Variants in ARHGAP15 observed in about 807,000 individuals in gnomAD.
ARHGAP15 encodes Rho GTPase activating protein 15.
Under a neutral mutation model 63.7 loss-of-function variants are expected in ARHGAP15, and 51 were observed. That is an observed-to-expected ratio of 0.80 (90% CI 0.64 to 1.01). The LOEUF (loss-of-function observed/expected upper bound fraction) is 1.01. ARHGAP15 is among the 50% of genes least tolerant of loss of function. The probability of loss-of-function intolerance (pLI) is 0.00; values close to 1 mark genes in which losing one functional copy is unlikely to be tolerated. For synonymous variants in ARHGAP15, 191 were observed against 193.8 expected (o/e 0.99, Z 0.12); for missense variants, 560 against 564.6 (o/e 0.99, Z 0.08).
intron 12 of ARHGAP15, among the ~76,000 whole-genome samples, chr2:143,690,205 G>A (rs1574844982): frequency 6.6e-6 from 1 of 152,174 alleles, no homozygotes; most frequent in African/African-American, 2.4e-5. Context: ...ATGTCTTCGA[G>A]TAAGTTATTC....
chr2:143,749,128 A>C (rs1430670421), intron 13 of ARHGAP15, among the ~76,000 whole-genome samples: 1 of 152,192 alleles, frequency 6.6e-6, no homozygotes, highest in Non-Finnish European at 1.5e-5. Flanking sequence ...GTGCTGTCAA[A>C]GAGAGCTTAC....
chr2:143,672,911 CAGAA>C (rs1024727990), intron 12 of ARHGAP15, among the ~76,000 whole-genome samples: 4 of 152,094 alleles, frequency 2.6e-5, no homozygotes, highest in Non-Finnish European at 5.9e-5. Context: ...AAAAATATGT[CAGAA>C]AGGAAGTATT....
intron 9 of ARHGAP15, among the ~76,000 whole-genome samples, chr2:143,510,304 G>A (rs572280234): frequency 6.6e-6 from 1 of 152,064 alleles, no homozygotes; most frequent in South Asian, 2.1e-4. Context: ...TACCTACTAT[G>A]GAAACTACGA....
intron 6 of ARHGAP15, among the ~76,000 whole-genome samples, chr2:143,268,126 T>C (rs182125917): frequency 5.8e-4 from 88 of 152,004 alleles, no homozygotes; most frequent in Non-Finnish European, 1.2e-3. Flanking sequence ...TGATTGCAAT[T>C]CAACTCTATG....
intron 13 of ARHGAP15, chr2:143,706,382 C>A (rs1163692519): frequency 2.0e-5 from 3 of 152,050 alleles, no homozygotes; most frequent in Non-Finnish European, 4.4e-5. Context: ...AGTGTTTATT[C>A]CAAATTGTTG....
chr2:143,596,514 A>G lies in ARHGAP15; in HGVS notation c.1004-27619A>G, dbSNP rs531466396. 5.3e-5 allele frequency among the ~76,000 whole-genome samples: 8 copies of G among 152,256 alleles called. No homozygotes were observed. The South Asian group carries it at 8.3e-4, about 16-fold the overall frequency. Reference sequence around the variant, plus strand: ...GGGCAAGGAGGTCTTGTGTCACCCTATATGATGATCACTTCAAATTGGTTT... The same window carrying G: ...GGGCAAGGAGGTCTTGTGTCACCCTGTATGATGATCACTTCAAATTGGTTT... On this transcript the variant is annotated intron_variant, in intron 11 of 13. Transcript: ENST00000295095.
chr2:143,536,206 G>T (rs1331755999), intron 10 of ARHGAP15, among the ~76,000 whole-genome samples: 1 of 151,878 alleles, frequency 6.6e-6, no homozygotes, highest in African/African-American at 2.4e-5. Context: ...CCTACCGTCC[G>T]CCTAATCATA....
At chr2:143,767,781 G>C (rs576246505) in intron 13 of ARHGAP15, among the ~76,000 whole-genome samples, 1 of 152,120 alleles carries the variant, frequency 6.6e-6, no homozygotes, top group East Asian at 1.9e-4. Flanking sequence ...AGCTATTATG[G>C]GGGTAAAAAG....
chr2:143,707,140 T>C (rs966221399), intron 13 of ARHGAP15, among the ~76,000 whole-genome samples: 1 of 152,214 alleles, frequency 6.6e-6, no homozygotes, highest in Non-Finnish European at 1.5e-5. Flanking sequence ...AAGAGTCATC[T>C]GACAGCAGAG....
chr2:143,674,513 G>A (rs1329811653), intron 12 of ARHGAP15, among the ~76,000 whole-genome samples: 1 of 152,144 alleles, frequency 6.6e-6, no homozygotes. Context: ...ATTTCAGGGT[G>A]AGAAAAATGT....
rs546511212 is a variant in ARHGAP15 at position 143,458,541 on chromosome 2, A to G, written c.703+21499A>G. Among the ~76,000 whole-genome samples the G allele has an allele frequency of 1.4e-4, 21 of 152,320 alleles. No homozygotes were observed. In the South Asian group the frequency reaches 4.1e-3, roughly 30 times the overall value. On this transcript the variant is annotated intron_variant, in intron 8 of 13. Coordinates refer to ENST00000295095, the MANE Select transcript of ARHGAP15 (RefSeq NM_018460.4). ...GCTGAAGGGCCGGTGATCATGGGCC[A>G]GAGGAAAGAAAAATCTGAAAGTTCT...
At chr2:143,755,259 C>T (rs544890578) in intron 13 of ARHGAP15, among the ~76,000 whole-genome samples, 9 of 143,200 alleles carry the variant, frequency 6.3e-5, no homozygotes, top group African/African-American at 2.2e-4. Flanking sequence ...GCTCCCAATG[C>T]TTTGCCAGCA....
chr2:143,628,278 G>A (rs939893277), intron 12 of ARHGAP15, among the ~76,000 whole-genome samples: 13 of 152,114 alleles, frequency 8.5e-5, no homozygotes, highest in African/African-American at 2.4e-4. Context: ...ATAGTGTTGC[G>A]ATGAACATGC....
intron 6 of ARHGAP15, among the ~76,000 whole-genome samples, chr2:143,422,970 C>CTATA (rs1381431900): frequency 7.2e-5 from 11 of 152,112 alleles, no homozygotes; most frequent in Non-Finnish European, 1.5e-4. Flanking sequence ...CACGTCAAGT[C>CTATA]ACTTTGGGTT....
chr2:143,484,233 G>A (rs940324547), intron 8 of ARHGAP15, among the ~76,000 whole-genome samples: 9 of 152,044 alleles, frequency 5.9e-5, no homozygotes, highest in African/African-American at 2.2e-4. Flanking sequence ...AGGCATGGTG[G>A]TGTTCACCTG....
chr2:143,670,206 C>T (rs780522839), intron 12 of ARHGAP15, among the ~76,000 whole-genome samples: 5 of 152,202 alleles, frequency 3.3e-5, no homozygotes, highest in Non-Finnish European at 7.3e-5. Context: ...CTCCCAACCA[C>T]ATTTCAGCCA....
chr2:143,569,394 A>G (rs1377879974), intron 11 of ARHGAP15, among the ~76,000 whole-genome samples: 1 of 152,244 alleles, frequency 6.6e-6, no homozygotes, highest in Non-Finnish European at 1.5e-5. Context: ...AGAGAAGAAC[A>G]GATGGAGACG....
At chr2:143,189,543 AC>A (rs1691597011) in intron 2 of ARHGAP15, among the ~76,000 whole-genome samples, 1 of 146,218 alleles carries the variant, frequency 6.8e-6, no homozygotes, top group African/African-American at 2.5e-5. Flanking sequence ...CCTCATTGCA[AC>A]CTCCCCTCTC....
At chr2:143,254,707 C>A (rs893680569) in intron 6 of ARHGAP15, among the ~76,000 whole-genome samples, 1 of 152,012 alleles carries the variant, frequency 6.6e-6, no homozygotes, top group African/African-American at 2.4e-5. Context: ...TTCTGTCATG[C>A]AAATTAGTCT....
Sources: gnomAD v4.1 joint callset for allele counts (sites outside exome capture counted in the v4.1 genomes callset) on GRCh38, gnomAD v4.1.1 for gene constraint, MANE v1.5 for transcripts, NCBI Gene and HGNC (gene_info 2026-07-23, HGNC 2026-07-21) for gene names.